ITGB5: variants seen among roughly 807,000 people sequenced by gnomAD.
ITGB5 encodes the protein integrin beta-5.
A neutral mutation model predicts 84.8 loss-of-function variants in ITGB5; 38 were observed. That is an observed-to-expected ratio of 0.45 (90% confidence interval 0.35 to 0.59). The LOEUF is 0.59. Among genes scored for constraint, ITGB5 ranks in the 20% least tolerant of loss-of-function variants. ITGB5 has a pLI of 0.01. For missense variants in ITGB5, 905 were observed against 1,034.5 expected, an observed-to-expected ratio of 0.87 and a Z score of 1.72; for synonymous variants, 393 against 414.4, an observed-to-expected ratio of 0.95 and a Z score of 0.63.
At chr3:124,852,488 C>T (rs568728009) in intron 3 of ITGB5, among the ~76,000 whole-genome samples, 2 of 152,052 alleles carry the variant, frequency 1.3e-5, no homozygotes, top group East Asian at 1.9e-4. Context: ...GCATTTTGCA[C>T]AGAATTTCTG....
chr3:124,763,603 G>C lies in ITGB5; in HGVS notation c.*20C>G, dbSNP rs2063723839. On this transcript the variant is annotated 3_prime_UTR_variant, in exon 15 of 15. Transcript: ENST00000296181. ...ACCTTTTCATCAGATCCCCGCTCCAGCCCCTCGGAGAAGGAAACATCAGTC... is the reference window on the plus strand; with the variant it reads ...ACCTTTTCATCAGATCCCCGCTCCACCCCCTCGGAGAAGGAAACATCAGTC... The C allele has an allele frequency of 6.8e-7, 1 of 1,470,150 alleles. No homozygotes were observed. The highest frequency in any genetic ancestry group is 1.1e-5 in the South Asian group (1 of 87,908). The allele number at this position is 1,470,150 out of a possible 1,614,324, so 91.1% of individuals were successfully genotyped here. A position where few individuals can be genotyped will look rare whatever the true frequency, so the allele number is the denominator to read the frequency against.
chr3:124,809,041 C>A lies in ITGB5; in HGVS notation c.1244G>T (p.Gly415Val). 1.2e-6 allele frequency: 2 copies of A among 1,614,100 alleles called. No homozygotes were observed. Among genetic ancestry groups the A allele is most frequent in the East Asian group, 2.2e-5 (1 of 44,888 alleles). The change falls in exon 9 of 15, where the codon GGT (glycine) becomes GTT (valine). Residue 415 changes from glycine (G) to valine (V), a missense_variant. Physicochemically the swap from Gly to Val is moderately radical, Grantham distance 109. Transcript: ENST00000296181. Reference sequence around the variant, plus strand: ...ACTTACCGTGTCCCCAATCTTCAGACCCTCACACTTCCTCTGACCAGGATA... The same window carrying A: ...ACTTACCGTGTCCCCAATCTTCAGAACCTCACACTTCCTCTGACCAGGATA... ...VSYPGQRKCE[G>V]LKIGDTASFE...
At chr3:124,784,561 A>T (rs2064053066) in intron 10 of ITGB5, among the ~76,000 whole-genome samples, 1 of 152,256 alleles carries the variant, frequency 6.6e-6, no homozygotes, top group Non-Finnish European at 1.5e-5. Context: ...AGGGAGATTA[A>T]GGCAGTGGAG....
At chr3:124,801,479 C>T (rs1481077691) in intron 9 of ITGB5, among the ~76,000 whole-genome samples, 1 of 152,180 alleles carries the variant, frequency 6.6e-6, no homozygotes, top group Non-Finnish European at 1.5e-5. Context: ...AGGGTTGTCA[C>T]AGAACCACAG....
At chr3:124,899,438 A>G (rs1407774918) in intron 1 of ITGB5, among the ~76,000 whole-genome samples, 1 of 152,194 alleles carries the variant, frequency 6.6e-6, no homozygotes, top group Non-Finnish European at 1.5e-5. Flanking sequence ...AGAAGCCTCC[A>G]AGATTCCTCC....
intron 2 of ITGB5, among the ~76,000 whole-genome samples, chr3:124,864,703 T>C (rs1347559816): frequency 1.3e-5 from 2 of 151,900 alleles, no homozygotes; most frequent in East Asian, 3.9e-4. Flanking sequence ...TATACCCATA[T>C]AACAAACCTG....
intron 4 of ITGB5, among the ~76,000 whole-genome samples, chr3:124,841,938 T>C (rs747508612): frequency 1.3e-5 from 2 of 152,142 alleles, no homozygotes; most frequent in Non-Finnish European, 2.9e-5. Flanking sequence ...CTAAGGAACA[T>C]GGATGATGCC....
chr3:124,812,006 G>C (rs1305091264), intron 8 of ITGB5, among the ~76,000 whole-genome samples: 1 of 152,222 alleles, frequency 6.6e-6, no homozygotes, highest in Non-Finnish European at 1.5e-5. Context: ...AAGGAATTTG[G>C]CTCTGTGACT....
intron 4 of ITGB5, among the ~76,000 whole-genome samples, chr3:124,846,728 G>A (rs2065083760): frequency 6.6e-6 from 1 of 152,172 alleles, no homozygotes; most frequent in Non-Finnish European, 1.5e-5. Context: ...GACGTCAGGA[G>A]TTCAAGACCA....
intron 11 of ITGB5, among the ~76,000 whole-genome samples, chr3:124,771,420 G>C (rs2063841981): frequency 6.6e-6 from 1 of 152,134 alleles, no homozygotes; most frequent in African/African-American, 2.4e-5. Context: ...GGCTGTGAAA[G>C]AGACAGAGGG....
Position 124,841,538 on chromosome 3 carries a change from G to C in ITGB5, c.625C>G (p.Pro209Ala), listed in dbSNP as rs1307399976. ...TNPCIGYKLF[P>A]NCVPSFGFRH... ...AACCCAAAGGAGGGGACGCAATTTG[G>C]AAACAACTTGTAACTAGAGAGGAAG... The change falls in exon 5 of 15, where the codon CCA becomes GCA. Residue 209 changes from proline (P) to alanine (A), a missense_variant. Pro to Ala is a conservative substitution (Grantham distance 27). Around this residue, in one of 3 missense-constraint regions of ITGB5, gnomAD observed 656 missense variants for 734.7 expected, o/e 0.89. Transcript: ENST00000296181. 11 of 1,613,538 alleles carry C rather than the reference G, an allele frequency of 6.8e-6. No individual in the cohort carries two copies. Among genetic ancestry groups the C allele is most frequent in the Non-Finnish European group, 9.3e-6 (11 of 1,179,834 alleles).
chr3:124,835,236 G>T (rs566104503), intron 5 of ITGB5, among the ~76,000 whole-genome samples: 3 of 152,248 alleles, frequency 2.0e-5, no homozygotes, highest in South Asian at 4.1e-4. Context: ...AGCAGCTGTC[G>T]GTGGGGCTGC....
At chr3:124,865,608 T>C (rs1311850699) in intron 2 of ITGB5, among the ~76,000 whole-genome samples, 1 of 144,230 alleles carries the variant, frequency 6.9e-6, no homozygotes, top group African/African-American at 2.6e-5. Flanking sequence ...CACCTCAGCC[T>C]CCCAAGTAGC....
chr3:124,776,210 T>C (rs976046188), intron 10 of ITGB5, among the ~76,000 whole-genome samples: 5 of 152,090 alleles, frequency 3.3e-5, no homozygotes, highest in Admixed American at 6.5e-5. Context: ...CATGAGCTCA[T>C]CCCTGGAAGG....
At chr3:124,815,643 G>T (rs896412159) in intron 8 of ITGB5, among the ~76,000 whole-genome samples, 9 of 152,132 alleles carry the variant, frequency 5.9e-5, no homozygotes, top group African/African-American at 1.9e-4. Context: ...TCTTGATTTG[G>T]TTCTCTTAGT....
intron 2 of ITGB5, among the ~76,000 whole-genome samples, chr3:124,861,571 T>C (rs1190762352): frequency 6.6e-6 from 1 of 151,046 alleles, no homozygotes; most frequent in Non-Finnish European, 1.5e-5. Flanking sequence ...TAGATTTTTT[T>C]TTTTTTTTTT....
At chr3:124,764,672 GCT>G in intron 13 of ITGB5, 115 bp from the exon 14 acceptor site, 1 of 982,218 alleles carries the variant, frequency 1.0e-6, no homozygotes, top group South Asian at 1.7e-5. Context: ...CTTCTCCTCG[GCT>G]CTCCCTTAGA....
At position 124,763,444 on chromosome 3, in the gene ITGB5, A is replaced by G. The variant is rs1260365454; in HGVS notation, c.*179T>C. 4.0e-6 allele frequency: 2 copies of G among 500,018 alleles called. No homozygotes were observed. Among genetic ancestry groups the G allele is most frequent in the East Asian group, 6.8e-5 (2 of 29,588 alleles). 31.0% of individuals were successfully genotyped at this position (500,018 alleles called of 1,614,324 possible). A position where few individuals can be genotyped will look rare whatever the true frequency, so the allele number is the denominator to read the frequency against. ...CTGGCATGGCTCTGGCCTAGCAGCC[A>G]GGTGACATGGCCAGGCACCTTCCTG... is the stretch of plus-strand genomic sequence containing the variant. On this transcript the variant is annotated 3_prime_UTR_variant, in exon 15 of 15. Coordinates refer to ENST00000296181, the MANE Select transcript of ITGB5 (RefSeq NM_002213.5).
In ITGB5 at chr3:124,809,112, C is replaced by G. The variant is rs754606165; in HGVS notation, c.1173G>C (p.Glu391Asp). ...TAGCAGTAAAGAAGAGATTAAGATC[C>G]TCAGGCTGATCCCAGACTGACAACT... ...KVELSVWDQP[E>D]DLNLFFTATC... The change falls in exon 9 of 15, where the codon GAG becomes GAC. Residue 391 changes from glutamate (E) to aspartate (D), a missense_variant. By Grantham distance (45) the Glu-to-Asp change is conservative (BLOSUM62 2). Transcript: ENST00000296181. 6 of 1,613,984 alleles carry G rather than the reference C, an allele frequency of 3.7e-6. No individual in the cohort carries two copies. The highest frequency in any genetic ancestry group is 8.5e-7 in the Non-Finnish European group (1 of 1,179,896).
Sources: allele counts gnomAD v4.1 joint callset (sites outside exome capture counted in the v4.1 genomes callset), GRCh38; gene constraint gnomAD v4.1.1; regional missense constraint gnomAD v4.1.1; transcripts MANE v1.5; gene names NCBI Gene and HGNC (gene_info 2026-07-23, HGNC 2026-07-21).